DENND1A: variants seen among roughly 807,000 people sequenced by gnomAD.
DENND1A encodes the protein DENN domain containing 1A, also known as DENN domain-containing protein 1A.
A neutral mutation model predicts 113.7 loss-of-function variants in DENND1A; 51 were observed. The observed-to-expected ratio is 0.45, with a 90% CI of 0.36 to 0.57. DENND1A has a LOEUF of 0.57. DENND1A is among the 20% of genes least tolerant of loss of function. The pLI, the probability that DENND1A is intolerant of heterozygous loss-of-function variation, is 0.00. For synonymous variants in DENND1A, 565 were observed against 570.8 expected (o/e 0.99, Z 0.14); for missense variants, 1,258 against 1,395.9 (o/e 0.90, Z 1.57).
At chr9:123,813,392 G>T (rs1218502293) in intron 2 of DENND1A, among the ~76,000 whole-genome samples, 1 of 151,324 alleles carries the variant, frequency 6.6e-6, no homozygotes, top group Non-Finnish European at 1.5e-5. Context: ...TTTTATCAAG[G>T]CTGTGAGTAG....
chr9:123,417,252 A>C (rs1038500906), intron 19 of DENND1A, among the ~76,000 whole-genome samples: 1 of 152,274 alleles, frequency 6.6e-6, no homozygotes, highest in Non-Finnish European at 1.5e-5. Flanking sequence ...AGGTCTTTCC[A>C]GAAAAGTCCT....
intron 1 of DENND1A, among the ~76,000 whole-genome samples, chr9:123,927,734 C>G (rs1857347518): frequency 6.6e-6 from 1 of 152,204 alleles, no homozygotes; most frequent in South Asian, 2.1e-4. Context: ...AACCCCTCCC[C>G]CTTGTCCCTA....
At chr9:123,848,987 T>A (rs1842984717) in intron 2 of DENND1A, among the ~76,000 whole-genome samples, 2 of 152,096 alleles carry the variant, frequency 1.3e-5, no homozygotes. Context: ...TTCATGAGGT[T>A]TAAGGGAAAA....
intron 2 of DENND1A, among the ~76,000 whole-genome samples, chr9:123,875,603 T>C (rs1847335630): frequency 6.6e-6 from 1 of 152,160 alleles, no homozygotes; most frequent in South Asian, 2.1e-4. Flanking sequence ...TCCCATACCC[T>C]ATTCCCCACT....
At chr9:123,792,254 T>C (rs1177699134) in intron 3 of DENND1A, among the ~76,000 whole-genome samples, 1 of 152,082 alleles carries the variant, frequency 6.6e-6, no homozygotes, top group Non-Finnish European at 1.5e-5. Context: ...ACTCCTGAAA[T>C]AGCATTTTTT....
At chr9:123,892,048 G>A (rs941333105) in intron 1 of DENND1A, among the ~76,000 whole-genome samples, 6 of 152,184 alleles carry the variant, frequency 3.9e-5, no homozygotes, top group Admixed American at 2.6e-4. Context: ...AGCACAGAGT[G>A]CTGGAGTGAA....
At chr9:123,743,599 G>A (rs897891735) in intron 5 of DENND1A, among the ~76,000 whole-genome samples, 5 of 150,282 alleles carry the variant, frequency 3.3e-5, no homozygotes, top group African/African-American at 4.9e-5. Context: ...GAGCATGGTC[G>A]TGGGTGCCTG....
At chr9:123,607,239 C>T in intron 11 of DENND1A, among the ~76,000 whole-genome samples, 1 of 151,730 alleles carries the variant, frequency 6.6e-6, no homozygotes, top group Middle Eastern at 3.2e-3. Context: ...TGTTGTTTAT[C>T]AAATGAATAA....
At chr9:123,707,763 G>A (rs1233850953) in intron 5 of DENND1A, among the ~76,000 whole-genome samples, 6 of 152,168 alleles carry the variant, frequency 3.9e-5, no homozygotes, top group Non-Finnish European at 8.8e-5. Context: ...GAATTTTGCT[G>A]TAAAGGGAAG....
At chr9:123,856,651 G>C (rs1304025573) in intron 2 of DENND1A, among the ~76,000 whole-genome samples, 1 of 152,082 alleles carries the variant, frequency 6.6e-6, no homozygotes, top group Non-Finnish European at 1.5e-5. Flanking sequence ...CATGCACGGG[G>C]TGTCAAAATT....
intron 2 of DENND1A, chr9:123,843,068 T>C: frequency 1.9e-6 from 1 of 528,208 alleles, no homozygotes; most frequent in South Asian, 1.4e-5. Flanking sequence ...AACTACTTTA[T>C]ACCCATATTT....
At chr9:123,821,666 C>G (rs1411203266) in intron 2 of DENND1A, among the ~76,000 whole-genome samples, 1 of 152,212 alleles carries the variant, frequency 6.6e-6, no homozygotes, top group Non-Finnish European at 1.5e-5. Flanking sequence ...ACTCCATCAA[C>G]TCTAACAGTT....
chr9:123,845,552 C>A (rs967190806), intron 2 of DENND1A, among the ~76,000 whole-genome samples: 6 of 151,504 alleles, frequency 4.0e-5, no homozygotes, highest in African/African-American at 1.5e-4. Context: ...CACCTGTAGT[C>A]CCAGCTACTT....
intron 2 of DENND1A, among the ~76,000 whole-genome samples, chr9:123,824,067 A>G (rs1838931892): frequency 6.6e-6 from 1 of 152,224 alleles, no homozygotes; most frequent in Non-Finnish European, 1.5e-5. Flanking sequence ...GTTCTTTCAT[A>G]ACACTGAAAT....
chr9:123,710,497 G>A (rs1398249727), intron 5 of DENND1A, among the ~76,000 whole-genome samples: 1 of 149,986 alleles, frequency 6.7e-6, no homozygotes, highest in Non-Finnish European at 1.5e-5. Context: ...TAACTTGAGT[G>A]CAGCTACGCT....
At chr9:123,523,005 C>G (rs913858227) in intron 13 of DENND1A, among the ~76,000 whole-genome samples, 1 of 152,192 alleles carries the variant, frequency 6.6e-6, no homozygotes, top group Non-Finnish European at 1.5e-5. Flanking sequence ...AGCTCACAGT[C>G]TAGTGGGGCA....
Position 123,719,282 on chromosome 9 carries a change from A to T in DENND1A, c.302+38421T>A, listed in dbSNP as rs144565672. Among the ~76,000 whole-genome samples, 928 of 152,316 alleles carry T rather than the reference A, an allele frequency of 6.1e-3. 12 individuals carry two copies. Among genetic ancestry groups the T allele is most frequent in the African/African-American group, 0.021 (879 of 41,564 alleles). On this transcript the variant is annotated intron_variant, in intron 5 of 23. Transcript: ENST00000394215. Reference sequence around the variant, plus strand: ...TCCCATTTGATAAGCTAAGGCTCAGAGGTACCTTGCTCAGTATCACAAACA... The same window carrying T: ...TCCCATTTGATAAGCTAAGGCTCAGTGGTACCTTGCTCAGTATCACAAACA...
intron 10 of DENND1A, among the ~76,000 whole-genome samples, chr9:123,609,808 G>A (rs970204149): frequency 2.8e-4 from 43 of 152,124 alleles, no homozygotes; most frequent in African/African-American, 9.2e-4. Context: ...CCAGCACGTT[G>A]TTACTAGAAT....
At chr9:123,620,224 AAAAAAAAAAAAAAAG>A (rs2060878726) in intron 10 of DENND1A, among the ~76,000 whole-genome samples, 1 of 148,640 alleles carries the variant, frequency 6.7e-6, no homozygotes, top group African/African-American at 2.5e-5. Flanking sequence ...AAAAAAAAAA[AAAAAAAAAAAAAAAG>A]AAAAGAAAAA....
Sources: gnomAD v4.1 joint callset for allele counts (sites outside exome capture counted in the v4.1 genomes callset) on GRCh38, gnomAD v4.1.1 for gene constraint, MANE v1.5 for transcripts, NCBI Gene and HGNC (gene_info 2026-07-23, HGNC 2026-07-21) for gene names.